NPAS3: variants seen among roughly 807,000 people sequenced by gnomAD.
NPAS3 encodes neuronal PAS domain protein 3.
NPAS3 carries 14 observed loss-of-function variants against 73.1 expected under a neutral mutation model. The ratio of observed to expected loss-of-function variants is 0.19; its 90% CI spans 0.13 to 0.30. The LOEUF is 0.30. NPAS3 is among the 10% of genes least tolerant of loss of function. The probability of loss-of-function intolerance (pLI) is 1.00; values close to 1 mark genes in which losing one functional copy is unlikely to be tolerated. For synonymous variants in NPAS3, 620 were observed against 541.5 expected (o/e 1.14, Z -2.01); for missense variants, 1,096 against 1,250.0 (o/e 0.88, Z 1.86).
At chr14:33,714,702 C>G (rs780070394) in intron 6 of NPAS3, among the ~76,000 whole-genome samples, 1 of 152,142 alleles carries the variant, frequency 6.6e-6, no homozygotes, top group African/African-American at 2.4e-5. Context: ...AAATACCTTA[C>G]GTCACTGATT....
At chr14:33,766,442 T>C (rs562123127) in intron 7 of NPAS3, among the ~76,000 whole-genome samples, 1 of 152,300 alleles carries the variant, frequency 6.6e-6, no homozygotes, top group African/African-American at 2.4e-5. Flanking sequence ...TAACACTTTT[T>C]ATGTAATTGT....
rs543363235 is a variant in NPAS3, at chr14:33,426,678, G to A, written c.468+59410G>A. 2.0e-5 allele frequency among the ~76,000 whole-genome samples: 3 copies of A among 152,150 alleles called. No homozygotes were observed. In the East Asian group the frequency reaches 5.8e-4, roughly 29 times the overall value. ...GGAGGGAGAGTGCAGATGGGGTACA[G>A]GGGAGGGTTAGTCTATGAGCCCAAA... On this transcript the variant is annotated intron_variant, in intron 4 of 11. Transcript: ENST00000356141.
chr14:33,460,445 G>A (rs1392963427), intron 4 of NPAS3, among the ~76,000 whole-genome samples: 1 of 152,108 alleles, frequency 6.6e-6, no homozygotes, highest in Non-Finnish European at 1.5e-5. Context: ...ATGGTAACTA[G>A]GCAACTCCAT....
intron 1 of NPAS3, among the ~76,000 whole-genome samples, chr14:33,041,534 T>G (rs1035553213): frequency 3.3e-5 from 5 of 152,110 alleles, no homozygotes. Flanking sequence ...TTTCTCAAAG[T>G]GTAAATTAAA....
At chr14:33,579,334 C>T (rs2056570882) in intron 5 of NPAS3, among the ~76,000 whole-genome samples, 1 of 152,120 alleles carries the variant, frequency 6.6e-6, no homozygotes, top group Non-Finnish European at 1.5e-5. Flanking sequence ...AGTAATAAAC[C>T]TTTACAGCTA....
chr14:32,936,930 CT>C (rs35877969), upstream of NPAS3, among the ~76,000 whole-genome samples: 39,491 of 139,594 alleles, frequency 0.28, 5,638 homozygotes, highest in East Asian at 0.46. Flanking sequence ...AAGACTAAGG[CT>C]TTTTTTTTTT....
chr14:33,179,980 C>A lies in NPAS3; in HGVS notation c.141-35202C>A, dbSNP rs1027494324. On this transcript the variant is annotated intron_variant, in intron 2 of 11. Transcript: ENST00000356141. ...GCTAGCGATAAGATATTCTGCCAAG[C>A]AACAAATAATTGCACATGAATCCCA... Among the ~76,000 whole-genome samples, 4 of 152,132 alleles carry A rather than the reference C, an allele frequency of 2.6e-5. No homozygotes were observed. The South Asian group carries it at 8.3e-4, about 32-fold the overall frequency.
intron 2 of NPAS3, among the ~76,000 whole-genome samples, chr14:33,147,582 G>T (rs1193393173): frequency 2.0e-5 from 3 of 151,204 alleles, no homozygotes; most frequent in Non-Finnish European, 4.4e-5. Context: ...GGGGCCTGTT[G>T]TGGGGTCGGG....
intron 9 of NPAS3, among the ~76,000 whole-genome samples, chr14:33,782,296 C>T (rs541499476): frequency 2.6e-5 from 4 of 152,290 alleles, no homozygotes; most frequent in East Asian, 1.9e-4. Flanking sequence ...CTCACAGCTT[C>T]CCACAGTTAC....
At chr14:32,945,576 G>A (rs1410004469) in intron 1 of NPAS3, among the ~76,000 whole-genome samples, 1 of 152,178 alleles carries the variant, frequency 6.6e-6, no homozygotes, top group Non-Finnish European at 1.5e-5. Context: ...AGGCAGTACA[G>A]TCTTTGTAGA....
intron 5 of NPAS3, among the ~76,000 whole-genome samples, chr14:33,646,758 G>A (rs1168762288): frequency 6.6e-6 from 1 of 152,164 alleles, no homozygotes; most frequent in Non-Finnish European, 1.5e-5. Flanking sequence ...TGAGCTAGCA[G>A]GGCAGTACTC....
intron 5 of NPAS3, among the ~76,000 whole-genome samples, chr14:33,631,514 G>C (rs2058376541): frequency 6.6e-6 from 1 of 152,196 alleles, no homozygotes; most frequent in South Asian, 2.1e-4. Flanking sequence ...GACAGGTCAA[G>C]TACAGCTGGG....
chr14:33,125,786 C>A (rs368693511), intron 2 of NPAS3, among the ~76,000 whole-genome samples: 1 of 151,984 alleles, frequency 6.6e-6, no homozygotes, highest in African/African-American at 2.4e-5. Context: ...AATCTTTAAA[C>A]CATACATGTT....
chr14:33,633,520 C>A (rs1249266993), intron 5 of NPAS3, among the ~76,000 whole-genome samples: 2 of 152,158 alleles, frequency 1.3e-5, no homozygotes, highest in Non-Finnish European at 2.9e-5. Context: ...CACACCTAGC[C>A]TAATGCTCCT....
At chr14:33,788,334 G>A (rs1012390425) in intron 9 of NPAS3, among the ~76,000 whole-genome samples, 5 of 152,196 alleles carry the variant, frequency 3.3e-5, no homozygotes, top group Non-Finnish European at 2.9e-5. Flanking sequence ...TCGCCATGAC[G>A]ATAATGAAGC....
intron 4 of NPAS3, among the ~76,000 whole-genome samples, chr14:33,533,201 C>A (rs1223159870): frequency 2.0e-5 from 3 of 151,898 alleles, no homozygotes; most frequent in Admixed American, 6.6e-5. Flanking sequence ...ACAAAAGATA[C>A]CGTAAATAAA....
In NPAS3 at chr14:33,800,211, G is replaced by A. The variant is rs756566026; in HGVS notation, c.1904G>A (p.Arg635Gln). 1.1e-5 allele frequency: 18 copies of A among 1,612,284 alleles called. No homozygotes were observed. The highest frequency in any genetic ancestry group is 1.6e-4 in the Middle Eastern group (1 of 6,076). The change falls in exon 12 of 12, where the codon CGG (arginine) becomes CAG (glutamine). Residue 635 changes from arginine to glutamine, a missense_variant. Physicochemically the swap from Arg to Gln is conservative, Grantham distance 43. Transcript: ENST00000356141. The surrounding 1 kb of genome is among the most constrained non-coding windows in gnomAD (Gnocchi z 6.5). Reference sequence around the variant, plus strand: ...GACGCGGGCCTGGTGGAGCCCCCGCGGCTGCTGTCCTCCCCCAACAGTGCC... The same window carrying A: ...GACGCGGGCCTGGTGGAGCCCCCGCAGCTGCTGTCCTCCCCCAACAGTGCC...
At chr14:33,177,073 T>TATTATA (rs2045616612) in intron 2 of NPAS3, among the ~76,000 whole-genome samples, 1 of 77,122 alleles carries the variant, frequency 1.3e-5, no homozygotes, top group Non-Finnish European at 2.6e-5. Context: ...TTTATCTTTT[T>TATTATA]ATTATTATTA....
rs574343799 is a variant in NPAS3 at position 33,567,571 on chromosome 14, G to A, written c.558+7361G>A. Among the ~76,000 whole-genome samples the A allele has an allele frequency of 5.3e-5, 8 of 152,256 alleles. No individual in the cohort carries two copies. In the East Asian group the frequency reaches 9.7e-4, roughly 18 times the overall value. On this transcript the variant is annotated intron_variant, in intron 5 of 11. Transcript: ENST00000356141. ...AGGAATCATATTTCAAGCCACTGTCGGCCTCTATTGATGTGCTCAGAGTTG... is the reference window on the plus strand; with the variant it reads ...AGGAATCATATTTCAAGCCACTGTCAGCCTCTATTGATGTGCTCAGAGTTG...
Sources: gnomAD v4.1 joint callset for allele counts (sites outside exome capture counted in the v4.1 genomes callset) on GRCh38, gnomAD v4.1.1 for gene constraint, Gnocchi (gnomAD v3.1) non-coding constraint, MANE v1.5 for transcripts, NCBI Gene and HGNC (gene_info 2026-07-23, HGNC 2026-07-21) for gene names.